The following PLEKHM3 variants were observed in gnomAD, a reference collection of about 807,000 sequenced individuals.
PLEKHM3 encodes the protein pleckstrin homology domain containing M3.
In PLEKHM3, 45 loss-of-function variants were observed where a neutral mutation model predicts 81.8. The ratio of observed to expected loss-of-function variants is 0.55; its 90% CI spans 0.43 to 0.71. The LOEUF is 0.71. Among genes scored for constraint, PLEKHM3 ranks in the 30% least tolerant of loss-of-function variants. The probability of loss-of-function intolerance (pLI) is 0.00; values close to 1 mark genes in which losing one functional copy is unlikely to be tolerated. For missense variants in PLEKHM3, 788 were observed against 924.3 expected (o/e 0.85, Z 1.91); for synonymous variants, 352 against 356.4 (o/e 0.99, Z 0.14).
chr2:207,946,471 C>A lies in PLEKHM3; in HGVS notation c.1588G>T (p.Val530Leu), dbSNP rs765755222. The A allele has an allele frequency of 1.2e-6, 2 of 1,614,158 alleles. No individual in the cohort carries two copies. Among genetic ancestry groups the A allele is most frequent in the South Asian group, 2.2e-5 (2 of 91,068 alleles). Residue 530 changes from valine (V) to leucine (L), a missense_variant, in exon 4 of 8, where the codon GTG (valine) becomes TTG (leucine). Physicochemically the swap from Val to Leu is conservative, Grantham distance 32. Coordinates refer to ENST00000427836, the MANE Select transcript of PLEKHM3 (RefSeq NM_001080475.3). Reference protein sequence around the residue: ...SIGLSNGKAKVCNYSGWYYCS... With the variant: ...SIGLSNGKAKLCNYSGWYYCS... ...TAATACCACCCACTGTAGTTGCACA[C>A]CTTGGCTTTCCCATTGGAAAGACCT...
chr2:207,879,385 T>C (rs1205189651), intron 6 of PLEKHM3, among the ~76,000 whole-genome samples: 1 of 152,240 alleles, frequency 6.6e-6, no homozygotes, highest in Non-Finnish European at 1.5e-5. Context: ...TCTACTGCCA[T>C]CCATAGTTAT....
At chr2:207,886,299 A>C (rs1003439263) in intron 6 of PLEKHM3, among the ~76,000 whole-genome samples, 1 of 152,176 alleles carries the variant, frequency 6.6e-6, no homozygotes. Context: ...TTCCAACAAG[A>C]AGGAGAAAGA....
At chr2:207,879,512 A>C (rs1362939013) in intron 6 of PLEKHM3, among the ~76,000 whole-genome samples, 2 of 152,254 alleles carry the variant, frequency 1.3e-5, no homozygotes, top group African/African-American at 4.8e-5. Flanking sequence ...GAACATTCCT[A>C]CTGCAAGCTC....
At chr2:207,930,120 G>A (rs1689538746) in intron 5 of PLEKHM3, among the ~76,000 whole-genome samples, 1 of 152,182 alleles carries the variant, frequency 6.6e-6, no homozygotes, top group African/African-American at 2.4e-5. Context: ...TTAAGGATCT[G>A]AGCCTGCTTT....
chr2:207,943,867 CAAAAAAAAA>C (rs66843432), intron 4 of PLEKHM3, among the ~76,000 whole-genome samples: 1 of 75,770 alleles, frequency 1.3e-5, no homozygotes, highest in Non-Finnish European at 2.4e-5. Flanking sequence ...GACTCCGTCT[CAAAAAAAAA>C]AAAAAAAAAA....
intron 1 of PLEKHM3, among the ~76,000 whole-genome samples, chr2:208,021,746 C>T (rs1574499007): frequency 2.0e-5 from 3 of 152,336 alleles, no homozygotes; most frequent in East Asian, 3.9e-4. Context: ...AGCACTGCCC[C>T]GTTGTGGCCC....
intron 6 of PLEKHM3, among the ~76,000 whole-genome samples, chr2:207,880,800 AAC>A (rs2092587005): frequency 5.0e-5 from 7 of 139,186 alleles, no homozygotes; most frequent in African/African-American, 1.3e-4. Flanking sequence ...CAAAAAAACA[AAC>A]AAACAAAAAA....
In PLEKHM3 at chr2:207,863,223, T is replaced by A. The variant is rs1325099567; in HGVS notation, c.1951-1961A>T. ...TTAGACTTAGGAAACCAATTATGAGTGGAAAATGAACCTCTAGTTAAACTG... is the reference window on the plus strand; with the variant it reads ...TTAGACTTAGGAAACCAATTATGAGAGGAAAATGAACCTCTAGTTAAACTG... On this transcript the variant is annotated intron_variant, in intron 6 of 7. Transcript: ENST00000427836. 2.0e-5 allele frequency among the ~76,000 whole-genome samples: 3 copies of A among 152,104 alleles called. No individual in the cohort carries two copies. The South Asian group carries it at 6.2e-4, about 31-fold the overall frequency.
At chr2:207,939,159 C>T (rs188686310) in intron 4 of PLEKHM3, among the ~76,000 whole-genome samples, 11 of 152,338 alleles carry the variant, frequency 7.2e-5, no homozygotes, top group African/African-American at 2.6e-4. Context: ...TAATCCAAAA[C>T]TTCTAAACCA....
intron 3 of PLEKHM3, among the ~76,000 whole-genome samples, chr2:207,953,438 T>G (rs1421955046): frequency 6.6e-6 from 1 of 152,180 alleles, no homozygotes; most frequent in Admixed American, 6.5e-5. Flanking sequence ...ACAAATTTTA[T>G]AGCAGTGAGA....
At chr2:207,847,024 A>G (rs2092387226) in intron 7 of PLEKHM3, among the ~76,000 whole-genome samples, 1 of 152,226 alleles carries the variant, frequency 6.6e-6, no homozygotes, top group Admixed American at 6.5e-5. Flanking sequence ...ACAGCAAAAA[A>G]TTAAGCTGTC....
intron 3 of PLEKHM3, among the ~76,000 whole-genome samples, chr2:207,969,698 G>A (rs1012904180): frequency 2.0e-5 from 3 of 152,142 alleles, no homozygotes; most frequent in Non-Finnish European, 4.4e-5. Context: ...GAATCCTTTG[G>A]TCATCTTCCC....
At chr2:207,845,145 G>A (rs1040661721) in intron 7 of PLEKHM3, among the ~76,000 whole-genome samples, 5 of 152,098 alleles carry the variant, frequency 3.3e-5, no homozygotes, top group Non-Finnish European at 7.4e-5. Context: ...TTCTGCAGGG[G>A]CTTAGTAAAA....
At chr2:207,899,233 AAT>A (rs1257961352) in intron 6 of PLEKHM3, among the ~76,000 whole-genome samples, 1 of 152,200 alleles carries the variant, frequency 6.6e-6, no homozygotes, top group Non-Finnish European at 1.5e-5. Context: ...CAAACATCTG[AAT>A]AGATAGTGCC....
At chr2:207,943,811 T>C (rs1182473945) in intron 4 of PLEKHM3, among the ~76,000 whole-genome samples, 1 of 128,676 alleles carries the variant, frequency 7.8e-6, no homozygotes, top group Non-Finnish European at 1.5e-5. Context: ...CAGCTTGCAG[T>C]GAGCCGAGAT....
intron 1 of PLEKHM3, among the ~76,000 whole-genome samples, chr2:208,015,596 T>G (rs563472714): frequency 1.9e-4 from 29 of 152,286 alleles, no homozygotes; most frequent in African/African-American, 7.0e-4. Flanking sequence ...ATAGCTAACC[T>G]CAATTGTCTT....
At position 207,946,914 on chromosome 2, in the gene PLEKHM3, T is replaced by A. The variant is rs114414809; in HGVS notation, c.1547-402A>T. Reference sequence around the variant, plus strand: ...TTGTTTAACCAGCACCACTTCTCTATGAGGAAGATATTATTAATTCTATTT... The same window carrying A: ...TTGTTTAACCAGCACCACTTCTCTAAGAGGAAGATATTATTAATTCTATTT... On this transcript the variant is annotated intron_variant, in intron 3 of 7. Coordinates refer to ENST00000427836, the MANE Select transcript of PLEKHM3 (RefSeq NM_001080475.3). Among the ~76,000 whole-genome samples, 528 of 152,318 alleles carry A rather than the reference T, an allele frequency of 3.5e-3. 3 individuals are homozygous for A. Among genetic ancestry groups the A allele is most frequent in the African/African-American group, 0.012 (510 of 41,582 alleles).
At chr2:207,947,859 A>G (rs75429617) in intron 3 of PLEKHM3, among the ~76,000 whole-genome samples, 2,879 of 152,338 alleles carry the variant, frequency 0.019, 93 homozygotes, top group African/African-American at 0.065. Flanking sequence ...AACTCCATGA[A>G]TGAAAGTATC....
Position 207,977,291 on chromosome 2 carries a change from C to T in PLEKHM3, c.906G>A (p.Lys302=). The T allele has an allele frequency of 6.2e-7, 1 of 1,614,208 alleles. No homozygotes were observed. Among genetic ancestry groups the T allele is most frequent in the Non-Finnish European group, 8.5e-7 (1 of 1,180,044 alleles). The change falls in exon 3 of 8, where the codon AAG becomes AAA. Residue 302 remains lysine, a synonymous_variant. Coordinates refer to ENST00000427836, the MANE Select transcript of PLEKHM3 (RefSeq NM_001080475.3). ...SPWEALDWGQ[K]LWEVVHAAVP... Reference sequence around the variant, plus strand: ...CAGCAGCATGCACTACTTCCCAAAGCTTCTGTCCCCAGTCCAAAGCCTCCC... The same window carrying T: ...CAGCAGCATGCACTACTTCCCAAAGTTTCTGTCCCCAGTCCAAAGCCTCCC...
Sources: gnomAD v4.1 joint callset for allele counts (sites outside exome capture counted in the v4.1 genomes callset) on GRCh38, gnomAD v4.1.1 for gene constraint, MANE v1.5 for transcripts, NCBI Gene and HGNC (gene_info 2026-07-23, HGNC 2026-07-21) for gene names.